Variants in CLYBL observed in about 807,000 individuals in gnomAD.
CLYBL encodes citramalyl-CoA lyase, mitochondrial.
Under a neutral mutation model 38.9 loss-of-function variants are expected in CLYBL, and 31 were observed. That is an observed-to-expected ratio of 0.80 (90% CI 0.60 to 1.08). The LOEUF (loss-of-function observed/expected upper bound fraction) is 1.08, where lower values mean the gene tolerates loss of function less well. CLYBL is among the 50% of genes least tolerant of loss of function. The pLI, the probability that CLYBL is intolerant of heterozygous loss-of-function variation, is 0.00. For synonymous variants in CLYBL, 171 were observed against 158.6 expected, an observed-to-expected ratio of 1.08 and a Z score of -0.59; for missense variants, 434 against 411.6, an observed-to-expected ratio of 1.05 and a Z score of -0.47.
At chr13:99,706,396 G>T (rs1334282442) in intron 1 of CLYBL, among the ~76,000 whole-genome samples, 1 of 152,130 alleles carries the variant, frequency 6.6e-6, no homozygotes, top group Non-Finnish European at 1.5e-5. Flanking sequence ...CTCTTGCCTG[G>T]TTTGCATCCT....
At chr13:99,745,203 T>A (rs2048827838) in intron 1 of CLYBL, among the ~76,000 whole-genome samples, 1 of 152,230 alleles carries the variant, frequency 6.6e-6, no homozygotes, top group Non-Finnish European at 1.5e-5. Context: ...TTTCTTGCCA[T>A]TGTTACAGAA....
chr13:99,871,806 G>C (rs184960959), intron 7 of CLYBL, among the ~76,000 whole-genome samples: 1 of 152,074 alleles, frequency 6.6e-6, no homozygotes, highest in African/African-American at 2.4e-5. Flanking sequence ...CAATAATACC[G>C]TTTGCCTCTT....
At chr13:99,769,705 C>T (rs927653106) in intron 1 of CLYBL, among the ~76,000 whole-genome samples, 3 of 152,180 alleles carry the variant, frequency 2.0e-5, no homozygotes, top group Admixed American at 6.6e-5. Context: ...AAGCCATGTA[C>T]ACTTTTAAAA....
intron 2 of CLYBL, among the ~76,000 whole-genome samples, chr13:99,828,299 C>T (rs950022329): frequency 6.6e-6 from 1 of 152,166 alleles, no homozygotes; most frequent in African/African-American, 2.4e-5. Flanking sequence ...AACACACACA[C>T]CTTAAACACA....
intron 2 of CLYBL, among the ~76,000 whole-genome samples, chr13:99,856,344 C>G (rs1013983135): frequency 6.6e-6 from 1 of 152,178 alleles, no homozygotes; most frequent in Non-Finnish European, 1.5e-5. Flanking sequence ...AGCACACATG[C>G]AGATTAGAGG....
rs373840200 is a variant in CLYBL, at chr13:99,866,248, A to G, written c.643A>G (p.Ser215Gly). The change falls in exon 6 of 9, where the codon AGT (serine) becomes GGT (glycine). Residue 215 changes from serine (S) to glycine (G), a missense_variant. Ser to Gly is a moderately conservative substitution (Grantham distance 56). Coordinates refer to ENST00000339105, the MANE Select transcript of CLYBL (RefSeq NM_206808.5). ...TAACATCCCATTTTCAGGTGCAACA[A>G]GTAGTAAAGAAACCCTGGATATTCT... The part of the protein sequence containing the change: ...EDFRASIGAT[S>G]SKETLDILYA... The G allele has an allele frequency of 1.8e-4, 283 of 1,613,460 alleles. No individual in the cohort carries two copies. The highest frequency in any genetic ancestry group is 2.3e-4 in the Non-Finnish European group (276 of 1,179,956).
At chr13:99,812,835 T>C (rs1406165505) in intron 2 of CLYBL, among the ~76,000 whole-genome samples, 1 of 152,206 alleles carries the variant, frequency 6.6e-6, no homozygotes, top group Non-Finnish European at 1.5e-5. Flanking sequence ...GTAGCAGCCC[T>C]GGAGACAAGT....
At chr13:99,858,768 G>A (rs2051521222) in intron 2 of CLYBL, 93 bp from the exon 3 acceptor site, 2 of 819,892 alleles carry the variant, frequency 2.4e-6, no homozygotes, top group African/African-American at 1.7e-5. Context: ...ATGGTGCTCA[G>A]ACTCTGAATC....
chr13:99,705,570 A>G (rs2048134397), intron 1 of CLYBL, among the ~76,000 whole-genome samples: 2 of 151,864 alleles, frequency 1.3e-5, no homozygotes, highest in Non-Finnish European at 2.9e-5. Flanking sequence ...GCAAAATTCC[A>G]TCTCAAAAAA....
intron 1 of CLYBL, among the ~76,000 whole-genome samples, chr13:99,762,614 CTTTG>C (rs1194192821): frequency 6.6e-6 from 1 of 152,160 alleles, no homozygotes; most frequent in Admixed American, 6.6e-5. Context: ...ATGCTTCCAG[CTTTG>C]TTTGTTTTGT....
intron 1 of CLYBL, among the ~76,000 whole-genome samples, chr13:99,627,837 T>C (rs1485708589): frequency 1.3e-5 from 2 of 152,246 alleles, no homozygotes; most frequent in Non-Finnish European, 2.9e-5. Flanking sequence ...TTCACGTATT[T>C]AGCCTGCCAT....
At chr13:99,825,537 A>G (rs1357911911) in intron 2 of CLYBL, among the ~76,000 whole-genome samples, 1 of 152,112 alleles carries the variant, frequency 6.6e-6, no homozygotes, top group Non-Finnish European at 1.5e-5. Flanking sequence ...TAAAGCATTT[A>G]TTAATATAAA....
rs544637549 is a variant in CLYBL, at chr13:99,678,063, G to A, written c.62+71306G>A. Among the ~76,000 whole-genome samples the A allele has an allele frequency of 2.9e-4, 44 of 152,304 alleles. No homozygotes were observed. In the South Asian group the frequency reaches 5.2e-3, roughly 18 times the overall value. On this transcript the variant is annotated intron_variant, in intron 1 of 8. Coordinates refer to ENST00000339105, the MANE Select transcript of CLYBL (RefSeq NM_206808.5). Reference sequence around the variant, plus strand: ...TTCACTTAAGATGGTTTACATTTGCGCGTGTTTTCCACTGGAAATAGCCAT... The same window carrying A: ...TTCACTTAAGATGGTTTACATTTGCACGTGTTTTCCACTGGAAATAGCCAT...
chr13:99,665,937 G>T (rs1825454076), intron 1 of CLYBL, among the ~76,000 whole-genome samples: 1 of 152,076 alleles, frequency 6.6e-6, no homozygotes, highest in African/African-American at 2.4e-5. Flanking sequence ...CGACCCTACT[G>T]TTTTTTAAAA....
At chr13:99,672,388 T>C (rs577455602) in intron 1 of CLYBL, among the ~76,000 whole-genome samples, 1 of 152,148 alleles carries the variant, frequency 6.6e-6, no homozygotes, top group East Asian at 1.9e-4. Flanking sequence ...CAGTTTTTCT[T>C]TACTGGGTAA....
At chr13:99,850,578 A>G (rs1165451683) in intron 2 of CLYBL, among the ~76,000 whole-genome samples, 1 of 152,232 alleles carries the variant, frequency 6.6e-6, no homozygotes. Flanking sequence ...TGCCGATGGG[A>G]AGGCAAAATG....
intron 7 of CLYBL, among the ~76,000 whole-genome samples, chr13:99,877,121 G>A (rs2052062959): frequency 6.6e-6 from 1 of 152,142 alleles, no homozygotes; most frequent in South Asian, 2.1e-4. Context: ...GCAAGCCTGG[G>A]GAGCCTTTGG....
chr13:99,793,887 T>TAA (rs78578163), intron 2 of CLYBL, among the ~76,000 whole-genome samples: 2 of 136,826 alleles, frequency 1.5e-5, no homozygotes, highest in African/African-American at 5.3e-5. Flanking sequence ...AAATTAAGAT[T>TAA]AAAAAAAAAA....
chr13:99,682,267 C>T (rs1275616563), intron 1 of CLYBL, among the ~76,000 whole-genome samples: 1 of 152,086 alleles, frequency 6.6e-6, no homozygotes, highest in Non-Finnish European at 1.5e-5. Flanking sequence ...CCTCAGCCTC[C>T]TGAGTAGCTG....
Sources: gnomAD v4.1 joint callset for allele counts (sites outside exome capture counted in the v4.1 genomes callset) on GRCh38, gnomAD v4.1.1 for gene constraint, MANE v1.5 for transcripts, NCBI Gene and HGNC (gene_info 2026-07-23, HGNC 2026-07-21) for gene names.